HEXIM2: variants seen among roughly 807,000 people sequenced by gnomAD.
HEXIM2 encodes the protein protein HEXIM2.
For missense variants in HEXIM2, 413 were observed against 390.8 expected, an observed-to-expected ratio of 1.06 and a Z score of -0.48; for synonymous variants, 159 against 162.7, an observed-to-expected ratio of 0.98 and a Z score of 0.17.
At position 45,162,788 on chromosome 17, in the gene HEXIM2, C is replaced by A. The variant is rs373175488; in HGVS notation, c.-6C>A. 1.2e-6 allele frequency: 2 copies of A among 1,614,002 alleles called. No individual in the cohort carries two copies. The highest frequency in any genetic ancestry group is 1.3e-5 in the African/African-American group (1 of 75,022). The stretch of plus-strand genomic sequence containing the variant: ...CAGGCGTCTGCTGAAAGATTTGGAA[C>A]AGAAGATGATGGCCACTCCGAACCA... On this transcript the variant is annotated 5_prime_UTR_variant, in exon 3 of 4. Transcript: ENST00000589230.
At chr17:45,160,735 G>C, upstream of HEXIM2, 1 of 409,498 alleles carries the variant, frequency 2.4e-6, no homozygotes, top group South Asian at 1.8e-5. Flanking sequence ...CTGGCGACAT[G>C]CTAGGTCAGG....
intron 3 of HEXIM2, among the ~76,000 whole-genome samples, chr17:45,163,304 C>T (rs984469064): frequency 1.7e-5 from 2 of 120,446 alleles, no homozygotes; most frequent in African/African-American, 6.7e-5. Flanking sequence ...CCAGCCTGGG[C>T]GTCAGAGCGA....
intron 3 of HEXIM2, 41 bp downstream of exon 3, chr17:45,162,900 C>T (rs757928009): frequency 2.3e-6 from 3 of 1,312,640 alleles, no homozygotes; most frequent in Admixed American, 3.4e-5. Context: ...ACCACGAGCA[C>T]GGGTCCCACA....
Position 45,167,923 on chromosome 17 carries a change from C to T in HEXIM2, c.67-1092C>T, listed in dbSNP as rs187472384. On this transcript the variant is annotated intron_variant, in intron 3 of 3. Coordinates refer to ENST00000589230, the MANE Select transcript of HEXIM2 (RefSeq NM_001303441.2). The stretch of plus-strand genomic sequence containing the variant: ...TTTGTTTGTTTTTGAGATGGAGTCT[C>T]GCTCTGTCACCCAGGCTGGAGTGCA... 6.2e-3 allele frequency among the ~76,000 whole-genome samples: 931 copies of T among 150,564 alleles called. 8 individuals are homozygous for T. Among genetic ancestry groups the T allele is most frequent in the African/African-American group, 0.021 (849 of 40,932 alleles).
At chr17:45,160,772 G>A, upstream of HEXIM2, 1 of 505,726 alleles carries the variant, frequency 2.0e-6, no homozygotes. Context: ...GGCTGAATGG[G>A]AGAGATCTTG....
chr17:45,166,382 C>T (rs546870419), intron 3 of HEXIM2, among the ~76,000 whole-genome samples: 1 of 152,276 alleles, frequency 6.6e-6, no homozygotes, highest in Admixed American at 6.5e-5. Context: ...CCTCCTTGGC[C>T]TCCCAAAGTG....
At position 45,162,803 on chromosome 17, in the gene HEXIM2, A is replaced by T. The variant is rs1285147086; in HGVS notation, c.10A>T (p.Thr4Ser). The T allele has an allele frequency of 6.2e-7, 1 of 1,613,804 alleles. No homozygotes were observed. Among genetic ancestry groups the T allele is most frequent in the Non-Finnish European group, 8.5e-7 (1 of 1,179,960 alleles). The change falls in exon 3 of 4, where the codon ACT becomes TCT. Residue 4 changes from threonine to serine, a missense_variant. By Grantham distance (58) the Thr-to-Ser change is moderately conservative (BLOSUM62 1). Transcript: ENST00000589230. The stretch of plus-strand genomic sequence containing the variant: ...AGATTTGGAACAGAAGATGATGGCC[A>T]CTCCGAACCAGACCGCCTGTAATGC... MMA[T>S]PNQTACNAES...
chr17:45,163,060 A>G (rs956063864), intron 3 of HEXIM2, among the ~76,000 whole-genome samples: 9 of 152,230 alleles, frequency 5.9e-5, no homozygotes, highest in Non-Finnish European at 1.0e-4. Flanking sequence ...GCGGTGGCTC[A>G]CACCTGTAAT....
chr17:45,169,711 G>A lies in HEXIM2; in HGVS notation c.763G>A (p.Glu255Lys), dbSNP rs950506222. The A allele has an allele frequency of 3.8e-5, 58 of 1,523,032 alleles. No homozygotes were observed. Among genetic ancestry groups the A allele is most frequent in the Middle Eastern group, 1.7e-4 (1 of 5,870 alleles). 94.3% of individuals were successfully genotyped at this position (1,523,032 alleles called of 1,614,324 possible). Residue 255 changes from glutamate to lysine, a missense_variant, in exon 4 of 4, where the codon GAG (glutamate) becomes AAG (lysine). By Grantham distance (56) the Glu-to-Lys change is moderately conservative. Transcript: ENST00000589230. Reference sequence around the variant, plus strand: ...CCGCCAGGTGGAGGAGCTGGCTGCCGAGGTCCAGAGGCTCCGGACCGAAAA... The same window carrying A: ...CCGCCAGGTGGAGGAGCTGGCTGCCAAGGTCCAGAGGCTCCGGACCGAAAA... The part of the protein sequence containing the change: ...SCRQVEELAA[E>K]VQRLRTENQR...
rs73319050 is a variant in HEXIM2 at position 45,169,151 on chromosome 17, A to G, written c.203A>G (p.Asn68Ser). 1,501 of 1,613,816 alleles carry G rather than the reference A, an allele frequency of 9.3e-4. 19 individuals are homozygous for G. The African/African-American group carries it at 0.019, about 20-fold the overall frequency. The change falls in exon 4 of 4, where the codon AAC (asparagine) becomes AGC (serine). Residue 68 changes from asparagine (N) to serine (S), a missense_variant. By Grantham distance (46) the Asn-to-Ser change is conservative (BLOSUM62 1). Coordinates refer to ENST00000589230, the MANE Select transcript of HEXIM2 (RefSeq NM_001303441.2). ...GGGGCTGTCGGTGGCCTGGGCTGGA[A>G]CAGTAGGAGTCCCCGGACCCAGAGC... ...LAGAVGGLGW[N>S]SRSPRTQSPG...
intron 3 of HEXIM2, among the ~76,000 whole-genome samples, chr17:45,164,514 G>A (rs1264747791): frequency 6.6e-6 from 1 of 151,810 alleles, no homozygotes; most frequent in East Asian, 1.9e-4. Flanking sequence ...GTGCATGCCT[G>A]TAATCCCAGC....
chr17:45,160,708 G>A (rs1371764390), upstream of HEXIM2: 6 of 381,950 alleles, frequency 1.6e-5, no homozygotes, highest in Non-Finnish European at 3.2e-5. Context: ...GCACACTTTA[G>A]GCGTTTCACC....
At chr17:45,168,899 A>G in intron 3 of HEXIM2, 116 bp from the exon 4 acceptor site, 1 of 981,568 alleles carries the variant, frequency 1.0e-6, no homozygotes, top group Non-Finnish European at 1.5e-6. Flanking sequence ...AGGGGCTAAG[A>G]GTGACCAAGT....
Position 45,163,855 on chromosome 17 carries a change from GAAACAA to G in HEXIM2, c.66+1008_66+1013del, listed in dbSNP as rs1484334556. 2.8e-4 allele frequency among the ~76,000 whole-genome samples: 43 copies of G among 151,660 alleles called. No individual in the cohort carries two copies. In the East Asian group the frequency reaches 8.0e-3, roughly 28 times the overall value. The stretch of plus-strand genomic sequence containing the variant: ...CAGAGTGACACTCCATCTCAAAAAA[GAAACAA>G]AAACAAAAACAGGCCAGGCGCAGTG... On this transcript the variant is annotated intron_variant, in intron 3 of 3. Coordinates refer to ENST00000589230, the MANE Select transcript of HEXIM2 (RefSeq NM_001303441.2).
chr17:45,161,071 C>T (rs1030766618), upstream of HEXIM2: 1 of 682,438 alleles, frequency 1.5e-6, no homozygotes, highest in Non-Finnish European at 2.3e-6. Context: ...GTCGCCCCCA[C>T]CTCTCCAGTC....
Position 45,169,054 on chromosome 17 carries a change from C to G in HEXIM2, c.106C>G (p.Arg36Gly). The change falls in exon 4 of 4, where the codon CGT becomes GGT. Residue 36 changes from arginine to glycine, a missense_variant. Coordinates refer to ENST00000589230, the MANE Select transcript of HEXIM2 (RefSeq NM_001303441.2). ...GGGGAGCCCCCAAACACCCCCTGAG[C>G]GTCATGACTCTGGTGGTTCCCTGCC... The part of the protein sequence containing the change: ...APGSPQTPPE[R>G]HDSGGSLPLT... 1 of 1,613,780 alleles carries G rather than the reference C, an allele frequency of 6.2e-7. No individual in the cohort carries two copies. Among genetic ancestry groups the G allele is most frequent in the Non-Finnish European group, 8.5e-7 (1 of 1,179,834 alleles).
In HEXIM2 at chr17:45,169,619, T is replaced by C; in HGVS notation, c.671T>C (p.Leu224Pro). 1 of 1,536,070 alleles carries C rather than the reference T, an allele frequency of 6.5e-7. No individual in the cohort carries two copies. The highest frequency in any genetic ancestry group is 2.5e-5 in the East Asian group (1 of 40,634). ...VRDYLELEKR[L>P]SQAEEETRRL... ...GACTACCTGGAGCTGGAGAAGCGGC[T>C]GTCGCAGGCGGAGGAGGAGACTAGG... The change falls in exon 4 of 4, where the codon CTG (leucine) becomes CCG (proline). Residue 224 changes from leucine (L) to proline (P), a missense_variant. Transcript: ENST00000589230.
intron 3 of HEXIM2, among the ~76,000 whole-genome samples, chr17:45,167,150 A>G (rs1041509720): frequency 1.8e-4 from 27 of 150,920 alleles, no homozygotes; most frequent in African/African-American, 6.3e-4. Context: ...ACATGGTGAA[A>G]CCCCATCTGT....
At chr17:45,160,268 G>C (rs113966018), upstream of HEXIM2, among the ~76,000 whole-genome samples, 8 of 152,262 alleles carry the variant, frequency 5.3e-5, no homozygotes, top group African/African-American at 1.9e-4. Flanking sequence ...TACATATGAA[G>C]TAGATAAAAA....
Sources: gnomAD v4.1 joint callset for allele counts (sites outside exome capture counted in the v4.1 genomes callset) on GRCh38, gnomAD v4.1.1 for gene constraint, MANE v1.5 for transcripts, NCBI Gene and HGNC (gene_info 2026-07-23, HGNC 2026-07-21) for gene names.